Variants in SNTB1 observed in about 807,000 individuals in gnomAD.
SNTB1 encodes the protein syntrophin beta 1, also known as beta-1-syntrophin.
Under a neutral mutation model 48.9 loss-of-function variants are expected in SNTB1, and 36 were observed. The ratio of observed to expected loss-of-function variants is 0.74; its 90% confidence interval spans 0.56 to 0.97. The LOEUF is 0.97. Among genes scored for constraint, SNTB1 ranks in the 50% least tolerant of loss-of-function variants. The pLI, the probability that SNTB1 is intolerant of heterozygous loss-of-function variation, is 0.00. For synonymous variants in SNTB1, 299 were observed against 294.6 expected (o/e 1.01, Z -0.15); for missense variants, 786 against 703.4 (o/e 1.12, Z -1.33).
chr8:120,717,989 G>A (rs1433755736), intron 1 of SNTB1, among the ~76,000 whole-genome samples: 1 of 152,176 alleles, frequency 6.6e-6, no homozygotes, highest in Non-Finnish European at 1.5e-5. Context: ...AGGCTAGGGA[G>A]GCCTTTGTCC....
intron 1 of SNTB1, among the ~76,000 whole-genome samples, chr8:120,713,344 A>G (rs1233021313): frequency 1.3e-5 from 2 of 152,204 alleles, no homozygotes; most frequent in East Asian, 3.8e-4. Flanking sequence ...CTGTCTAGAC[A>G]TTACCCTCAT....
At chr8:120,689,411 G>A (rs2129848128) in intron 2 of SNTB1, among the ~76,000 whole-genome samples, 1 of 148,488 alleles carries the variant, frequency 6.7e-6, no homozygotes, top group South Asian at 2.1e-4. Context: ...GGGTCAGCTA[G>A]GCTTGGGTTT....
chr8:120,633,312 A>G (rs1466521945), intron 2 of SNTB1, among the ~76,000 whole-genome samples: 1 of 152,192 alleles, frequency 6.6e-6, no homozygotes, highest in African/African-American at 2.4e-5. Flanking sequence ...AATGTATTCT[A>G]TTTAAAGTCC....
intron 3 of SNTB1, among the ~76,000 whole-genome samples, chr8:120,606,678 T>C (rs888884636): frequency 6.6e-6 from 1 of 152,194 alleles, no homozygotes; most frequent in Non-Finnish European, 1.5e-5. Context: ...ATTGAGCAAG[T>C]TGGTTTTGGT....
At chr8:120,779,512 G>GAAATA (rs201161763) in intron 1 of SNTB1, among the ~76,000 whole-genome samples, 7 of 151,836 alleles carry the variant, frequency 4.6e-5, no homozygotes, top group South Asian at 2.1e-4. Flanking sequence ...AAAATAAAAT[G>GAAATA]AAATAAAATA....
At chr8:120,600,036 A>G (rs1267654364) in intron 3 of SNTB1, among the ~76,000 whole-genome samples, 2 of 152,216 alleles carry the variant, frequency 1.3e-5, no homozygotes, top group Admixed American at 6.5e-5. Flanking sequence ...GCTCCTCAAA[A>G]TTTTAGTTGG....
intron 5 of SNTB1, among the ~76,000 whole-genome samples, chr8:120,548,382 T>G (rs773138808): frequency 6.6e-6 from 1 of 152,202 alleles, no homozygotes; most frequent in Admixed American, 6.5e-5. Context: ...AACTGCCTAA[T>G]ATATTTCCAA....
At chr8:120,750,119 C>T (rs1271958425) in intron 1 of SNTB1, among the ~76,000 whole-genome samples, 1 of 148,932 alleles carries the variant, frequency 6.7e-6, no homozygotes, top group East Asian at 2.0e-4. Context: ...GTGAATAATC[C>T]CTCCCTCCCT....
At chr8:120,724,355 T>C (rs1267177011) in intron 1 of SNTB1, among the ~76,000 whole-genome samples, 2 of 152,214 alleles carry the variant, frequency 1.3e-5, no homozygotes, top group African/African-American at 4.8e-5. Context: ...GAGCCCTTCA[T>C]CTTGTGTCAC....
chr8:120,540,094 C>T (rs1815261493), intron 6 of SNTB1, among the ~76,000 whole-genome samples: 1 of 152,098 alleles, frequency 6.6e-6, no homozygotes, highest in South Asian at 2.1e-4. Flanking sequence ...TACTTCAATC[C>T]GTGTATTTTA....
chr8:120,688,732 C>T (rs991798211), intron 2 of SNTB1, among the ~76,000 whole-genome samples: 2 of 152,072 alleles, frequency 1.3e-5, no homozygotes, highest in East Asian at 1.9e-4. Context: ...GGAACAGAAA[C>T]GATGAGGTAA....
At chr8:120,620,049 C>G (rs892596328) in intron 3 of SNTB1, among the ~76,000 whole-genome samples, 1 of 152,148 alleles carries the variant, frequency 6.6e-6, no homozygotes, top group Non-Finnish European at 1.5e-5. Context: ...TCCAGTACAA[C>G]TCATTTTTAT....
At chr8:120,580,648 A>G (rs1157009119) in intron 3 of SNTB1, among the ~76,000 whole-genome samples, 1 of 152,184 alleles carries the variant, frequency 6.6e-6, no homozygotes, top group African/African-American at 2.4e-5. Context: ...ACAACTTTTT[A>G]ATTGAAGTCT....
chr8:120,678,631 G>A (rs1318866967), intron 2 of SNTB1, among the ~76,000 whole-genome samples: 5 of 152,136 alleles, frequency 3.3e-5, no homozygotes, highest in Non-Finnish European at 7.4e-5. Flanking sequence ...TACTGATTTG[G>A]GGCTGCCCAA....
At chr8:120,588,202 T>G (rs1816180333) in intron 3 of SNTB1, among the ~76,000 whole-genome samples, 1 of 152,188 alleles carries the variant, frequency 6.6e-6, no homozygotes, top group Non-Finnish European at 1.5e-5. Flanking sequence ...CCAGAAGTTC[T>G]TTGAAGGAAG....
At chr8:120,625,236 G>A (rs1023311547) in intron 3 of SNTB1, among the ~76,000 whole-genome samples, 14 of 152,174 alleles carry the variant, frequency 9.2e-5, no homozygotes, top group South Asian at 2.1e-4. Context: ...TGGGGGACAC[G>A]TTCAAACCAT....
intron 1 of SNTB1, among the ~76,000 whole-genome samples, chr8:120,751,474 CTT>C (rs150773856): frequency 6.6e-6 from 1 of 151,376 alleles, no homozygotes; most frequent in African/African-American, 2.4e-5. Context: ...TTAAAGGATA[CTT>C]TTTTTTTGTG....
At chr8:120,637,201 G>A (rs894690335) in intron 2 of SNTB1, 10 of 335,946 alleles carry the variant, frequency 3.0e-5, no homozygotes, top group South Asian at 2.5e-4. Context: ...TGTCAAAGTC[G>A]AACATCCTCT....
intron 1 of SNTB1, among the ~76,000 whole-genome samples, chr8:120,728,173 G>C (rs139837246): frequency 0.01 from 1,526 of 152,062 alleles, 29 homozygotes; most frequent in African/African-American, 0.036. Context: ...CTACAGGGGT[G>C]TATTTTTGAT....
Sources: allele counts gnomAD v4.1 joint callset (sites outside exome capture counted in the v4.1 genomes callset), GRCh38; gene constraint gnomAD v4.1.1; transcripts MANE v1.5; gene names NCBI Gene and HGNC (gene_info 2026-07-23, HGNC 2026-07-21).